The following ADGRL2 variants were observed in gnomAD, a reference collection of about 807,000 sequenced individuals.
ADGRL2 encodes the protein calcium-independent alpha-latrotoxin receptor 2.
Under a neutral mutation model 157.4 loss-of-function variants are expected in ADGRL2, and 44 were observed. That is an observed-to-expected ratio of 0.28 (90% CI 0.22 to 0.36). The LOEUF (loss-of-function observed/expected upper bound fraction) is 0.36, where lower values mean the gene tolerates loss of function less well. ADGRL2 is among the 10% of genes least tolerant of loss of function. ADGRL2 has a pLI of 1.00. For synonymous variants in ADGRL2, 585 were observed against 624.7 expected (o/e 0.94, Z 0.95); for missense variants, 1,510 against 1,768.9 (o/e 0.85, Z 2.63).
intron 1 of ADGRL2, among the ~76,000 whole-genome samples, chr1:81,817,119 A>G (rs2090486901): frequency 6.6e-6 from 1 of 152,096 alleles, no homozygotes; most frequent in Admixed American, 6.6e-5. Flanking sequence ...TACCTTTTGT[A>G]GTCTCCAGTG....
intron 3 of ADGRL2, among the ~76,000 whole-genome samples, chr1:81,612,708 AC>A (rs1335036603): frequency 1.3e-5 from 2 of 152,160 alleles, no homozygotes; most frequent in African/African-American, 4.8e-5. Flanking sequence ...GGACAAAAAA[AC>A]AATGACGACA....
At chr1:81,700,514 C>T (rs938379950) in intron 1 of ADGRL2, among the ~76,000 whole-genome samples, 4 of 152,218 alleles carry the variant, frequency 2.6e-5, no homozygotes, top group South Asian at 2.1e-4. Context: ...AGACCAAAAC[C>T]GTCACAACTA....
At chr1:81,591,090 G>A (rs1210310155) in intron 3 of ADGRL2, among the ~76,000 whole-genome samples, 1 of 152,154 alleles carries the variant, frequency 6.6e-6, no homozygotes, top group Non-Finnish European at 1.5e-5. Flanking sequence ...TTATCAGTCT[G>A]ACTTCCATGA....
At chr1:81,869,694 TTAAA>T (rs1440366812) in intron 2 of ADGRL2, among the ~76,000 whole-genome samples, 4 of 150,180 alleles carry the variant, frequency 2.7e-5, no homozygotes, top group Admixed American at 1.3e-4. Context: ...AAACTGTTGA[TTAAA>T]TGTATGTAAA....
chr1:81,727,442 AT>A (rs1189949184), intron 1 of ADGRL2, among the ~76,000 whole-genome samples: 7 of 151,286 alleles, frequency 4.6e-5, no homozygotes, highest in African/African-American at 1.5e-4. Flanking sequence ...TTAAAACTTA[AT>A]TTTTTTTTGA....
intron 3 of ADGRL2, among the ~76,000 whole-genome samples, chr1:81,618,073 T>C (rs1390781588): frequency 6.6e-6 from 1 of 152,064 alleles, no homozygotes; most frequent in Non-Finnish European, 1.5e-5. Context: ...GTTTTTTTTT[T>C]CCTTCCAATT....
chr1:81,581,872 G>GCACACACA (rs1491200756), intron 3 of ADGRL2, among the ~76,000 whole-genome samples: 13 of 85,358 alleles, frequency 1.5e-4, no homozygotes, highest in African/African-American at 5.5e-4. Context: ...ACACACATGC[G>GCACACACA]CGCACACACA....
intron 2 of ADGRL2, among the ~76,000 whole-genome samples, chr1:81,866,725 A>G (rs761258936): frequency 3.3e-5 from 5 of 152,182 alleles, no homozygotes; most frequent in Non-Finnish European, 5.9e-5. Context: ...GTAATTTTGT[A>G]TCTTGCAAAA....
At chr1:81,898,802 CTT>C (rs1399430044) in intron 2 of ADGRL2, among the ~76,000 whole-genome samples, 3 of 152,302 alleles carry the variant, frequency 2.0e-5, no homozygotes, top group African/African-American at 7.2e-5. Flanking sequence ...CTAAATTTCA[CTT>C]CAGCCTGGTT....
intron 2 of ADGRL2, among the ~76,000 whole-genome samples, chr1:81,527,142 T>G (rs1161333888): frequency 6.6e-6 from 1 of 152,244 alleles, no homozygotes; most frequent in Non-Finnish European, 1.5e-5. Flanking sequence ...TAGGTACTAT[T>G]AGGATCACCA....
intron 2 of ADGRL2, among the ~76,000 whole-genome samples, chr1:81,551,177 T>G (rs2080136744): frequency 6.6e-6 from 1 of 152,090 alleles, no homozygotes; most frequent in Non-Finnish European, 1.5e-5. Context: ...AAACTAGAAT[T>G]TTTGGGTCCC....
intron 1 of ADGRL2, among the ~76,000 whole-genome samples, chr1:81,444,479 A>T (rs1420943871): frequency 6.6e-6 from 1 of 152,192 alleles, no homozygotes; most frequent in Non-Finnish European, 1.5e-5. Context: ...TTCTGCCTGT[A>T]AAGACTCGCT....
chr1:81,467,868 G>GTTAAC (rs111948207), intron 2 of ADGRL2, among the ~76,000 whole-genome samples: 49,577 of 151,628 alleles, frequency 0.33, 9,326 homozygotes, highest in East Asian at 0.85. Flanking sequence ...TGTTAAAAAT[G>GTTAAC]TTATGAAGTA....
intron 3 of ADGRL2, among the ~76,000 whole-genome samples, chr1:81,634,873 A>G (rs915881909): frequency 6.6e-6 from 1 of 152,086 alleles, no homozygotes; most frequent in Non-Finnish European, 1.5e-5. Context: ...TTGATGGCCT[A>G]TCCTTATCCT....
intron 1 of ADGRL2, among the ~76,000 whole-genome samples, chr1:81,331,036 G>A (rs1661234408): frequency 6.6e-6 from 1 of 152,116 alleles, no homozygotes; most frequent in African/African-American, 2.4e-5. Flanking sequence ...GCCCCATAGT[G>A]CCTGGCACAG....
At chr1:81,933,895 C>G (rs2095271022) in intron 3 of ADGRL2, among the ~76,000 whole-genome samples, 1 of 152,072 alleles carries the variant, frequency 6.6e-6, no homozygotes. Flanking sequence ...GATTTCTCTC[C>G]TTTCTGACCC....
intron 22 of ADGRL2, chr1:81,987,246 T>C (rs757734577): frequency 6.6e-7 from 1 of 1,523,340 alleles, no homozygotes. Context: ...TAATGATCCA[T>C]GTTTTTAACA....
At chr1:81,783,856 T>C (rs1557648368) in intron 2 of ADGRL2, among the ~76,000 whole-genome samples, 2 of 152,212 alleles carry the variant, frequency 1.3e-5, no homozygotes, top group Admixed American at 6.5e-5. Flanking sequence ...TTTATGCTAT[T>C]AAAGATACTA....
intron 2 of ADGRL2, among the ~76,000 whole-genome samples, chr1:81,547,805 C>A (rs2080053925): frequency 6.6e-6 from 1 of 152,122 alleles, no homozygotes; most frequent in Non-Finnish European, 1.5e-5. Context: ...TAGAAGTTTG[C>A]AACAAGGGAA....
Sources: gnomAD v4.1 joint callset for allele counts (sites outside exome capture counted in the v4.1 genomes callset) on GRCh38, gnomAD v4.1.1 for gene constraint, MANE v1.5 for transcripts, NCBI Gene and HGNC (gene_info 2026-07-23, HGNC 2026-07-21) for gene names.